ANKRD30A: variants seen among roughly 807,000 people sequenced by gnomAD.
The protein encoded by ANKRD30A is ankyrin repeat domain-containing protein 30A.
ANKRD30A carries 170 observed loss-of-function variants against 166.3 expected under a neutral mutation model. That is an observed-to-expected ratio of 1.02 (90% CI 0.90 to 1.16). The LOEUF (loss-of-function observed/expected upper bound fraction) is 1.16. ANKRD30A is among the 50% of genes most tolerant of loss of function. The pLI, the probability that ANKRD30A is intolerant of heterozygous loss-of-function variation, is 0.00. For synonymous variants in ANKRD30A, 564 were observed against 508.9 expected (o/e 1.11, Z -1.46); for missense variants, 1,630 against 1,518.0 (o/e 1.07, Z -1.23).
chr10:37,166,317 A>T (rs1839336646), intron 18 of ANKRD30A, among the ~76,000 whole-genome samples: 1 of 152,226 alleles, frequency 6.6e-6, no homozygotes, highest in African/African-American at 2.4e-5. Flanking sequence ...TAAGAGAGTT[A>T]CTTTTTGAAA....
intron 13 of ANKRD30A, among the ~76,000 whole-genome samples, chr10:37,154,551 G>A (rs1384833432): frequency 6.6e-6 from 1 of 152,042 alleles, no homozygotes; most frequent in Admixed American, 6.6e-5. Flanking sequence ...GAAGAAGAAA[G>A]GGGCAATGCA....
Position 37,162,813 on chromosome 10 carries a change from C to G in ANKRD30A, c.1967C>G (p.Ala656Gly). The G allele has an allele frequency of 1.2e-6, 2 of 1,613,586 alleles. No individual in the cohort carries two copies. Among genetic ancestry groups the G allele is most frequent in the Non-Finnish European group, 1.7e-6 (2 of 1,179,766 alleles). The change falls in exon 17 of 36, where the codon GCC becomes GGC. Residue 656 changes from alanine to glycine, a missense_variant. Physicochemically the swap from Ala to Gly is moderately conservative, Grantham distance 60 (BLOSUM62 0). Coordinates refer to ENST00000361713, the MANE Select transcript of ANKRD30A (RefSeq NM_052997.3). ...TEMQKSVPNK[A>G]LELKNEQTLR... The stretch of plus-strand genomic sequence containing the variant: ...ATGCAAAAGTCTGTCCCAAATAAAG[C>G]CTTGGAATTGAAAAATGAACAAACA...
At chr10:37,208,977 C>T (rs752979397) in intron 31 of ANKRD30A, among the ~76,000 whole-genome samples, 1 of 152,056 alleles carries the variant, frequency 6.6e-6, no homozygotes, top group Non-Finnish European at 1.5e-5. Flanking sequence ...TAGAAATATG[C>T]ATTTAAGTCT....
intron 7 of ANKRD30A, among the ~76,000 whole-genome samples, chr10:37,142,570 C>CTTTTTTTTT (rs869026268): frequency 2.5e-5 from 2 of 78,982 alleles, no homozygotes; most frequent in Non-Finnish European, 4.6e-5. Context: ...TAGGATCACA[C>CTTTTTTTTT]TTTTTTTTTT....
chr10:37,201,418 C>G, intron 31 of ANKRD30A, 93 bp downstream of exon 31: 2 of 925,544 alleles, frequency 2.2e-6, no homozygotes, highest in Non-Finnish European at 3.1e-6. Context: ...AGAAAATTAC[C>G]TCCTAAATGC....
rs1182907787 is a variant in ANKRD30A at position 37,199,102 on chromosome 10, A to C, written c.2717-625A>C. ...GAAGGCATTGTTGCATTAGGGAAGA[A>C]GTATGTCATTGTAATTAAAGCAGTT... On this transcript the variant is annotated intron_variant, in intron 29 of 35. Coordinates refer to ENST00000361713, the MANE Select transcript of ANKRD30A (RefSeq NM_052997.3). Among the ~76,000 whole-genome samples, 9 of 152,188 alleles carry C rather than the reference A, an allele frequency of 5.9e-5. No homozygotes were observed. In the East Asian group the frequency reaches 1.7e-3, roughly 29 times the overall value.
chr10:37,195,720 C>A (rs1588897082), intron 27 of ANKRD30A, among the ~76,000 whole-genome samples: 1 of 152,154 alleles, frequency 6.6e-6, no homozygotes, highest in African/African-American at 2.4e-5. Flanking sequence ...CAGTGAAACC[C>A]TGTCTCTACT....
At chr10:37,171,720 A>G (rs1839578807) in intron 21 of ANKRD30A, among the ~76,000 whole-genome samples, 1 of 151,198 alleles carries the variant, frequency 6.6e-6, no homozygotes, top group South Asian at 2.1e-4. Flanking sequence ...AAAAGATATA[A>G]ATCAAACAAA....
At chr10:37,246,342 T>G in the ANKRD30A span, among the ~76,000 whole-genome samples, 212 of 152,350 alleles carry the variant, frequency 1.4e-3, 1 homozygote, top group African/African-American at 5.0e-3. Flanking sequence ...CTTGCATTTG[T>G]CCGATAAACT....
chr10:37,219,348 T>G lies in ANKRD30A; in HGVS notation c.3636T>G (p.Ile1212Met), dbSNP rs1410834536. 1.2e-6 allele frequency: 2 copies of G among 1,610,380 alleles called. No individual in the cohort carries two copies. Among genetic ancestry groups the G allele is most frequent in the Non-Finnish European group, 1.7e-6 (2 of 1,177,630 alleles). The change falls in exon 34 of 36, where the codon ATT becomes ATG. Residue 1212 changes from isoleucine to methionine, a missense_variant. Around this residue, in one of 4 missense-constraint regions of ANKRD30A, gnomAD observed 712 missense variants for 629.3 expected, o/e 1.13. Coordinates refer to ENST00000361713, the MANE Select transcript of ANKRD30A (RefSeq NM_052997.3). ...CTGCTGTACAAGACCATGATCAAAT[T>G]GTGACATCAAGAAAAAGTCAAGAAC... ...LASAVQDHDQ[I>M]VTSRKSQEPA...
In ANKRD30A at chr10:37,136,675, A is replaced by C. The variant is rs1364505993; in HGVS notation, c.820+4A>C. On this transcript the variant is annotated splice_donor_region_variant and intron_variant, in intron 6 of 35. Transcript: ENST00000361713. ...AATCATCAAAATACCAATCCAGGTAAGACTTCTGATAGTAAACTACCCTTG... is the reference window on the plus strand; with the variant it reads ...AATCATCAAAATACCAATCCAGGTACGACTTCTGATAGTAAACTACCCTTG... The C allele has an allele frequency of 1.4e-6, 2 of 1,413,248 alleles. No individual in the cohort carries two copies. Among genetic ancestry groups the C allele is most frequent in the Non-Finnish European group, 1.9e-6 (2 of 1,026,470 alleles). The allele number at this position is 1,413,248 out of a possible 1,614,324, so 87.5% of individuals were successfully genotyped here.
Position 37,152,854 on chromosome 10 carries a change from G to A in ANKRD30A, c.1708-718G>A, listed in dbSNP as rs183507057. Among the ~76,000 whole-genome samples the A allele has an allele frequency of 9.3e-3, 1,417 of 152,206 alleles. 17 individuals carry two copies. The highest frequency in any genetic ancestry group is 0.011 in the Non-Finnish European group (746 of 67,978). Reference sequence around the variant, plus strand: ...CTTAGAAACAAGCAGCTGCTGCCTGGTGGTAACAGCAAAAGGTGGAAGTCA... The same window carrying A: ...CTTAGAAACAAGCAGCTGCTGCCTGATGGTAACAGCAAAAGGTGGAAGTCA... On this transcript the variant is annotated intron_variant, in intron 12 of 35. Coordinates refer to ENST00000361713, the MANE Select transcript of ANKRD30A (RefSeq NM_052997.3).
At chr10:37,192,736 T>C (rs1840704928) in intron 25 of ANKRD30A, among the ~76,000 whole-genome samples, 1 of 152,056 alleles carries the variant, frequency 6.6e-6, no homozygotes, top group Non-Finnish European at 1.5e-5. Flanking sequence ...TTGGTCATCT[T>C]ATTAAATACA....
At chr10:37,238,406 A>G in the ANKRD30A span, among the ~76,000 whole-genome samples, 1 of 152,188 alleles carries the variant, frequency 6.6e-6, no homozygotes, top group Non-Finnish European at 1.5e-5. Context: ...ACATATGTAT[A>G]CATGTGCCAT....
intron 24 of ANKRD30A, among the ~76,000 whole-genome samples, chr10:37,184,018 C>T (rs1290165512): frequency 2.6e-5 from 4 of 151,728 alleles, no homozygotes; most frequent in Non-Finnish European, 4.4e-5. Context: ...CGTGGTGGCA[C>T]GCATTTCTAA....
chr10:37,202,685 C>A (rs1246724434), intron 31 of ANKRD30A, among the ~76,000 whole-genome samples: 3 of 152,072 alleles, frequency 2.0e-5, no homozygotes, highest in Admixed American at 6.6e-5. Context: ...TTCAAAAAAT[C>A]AATGAATCCA....
chr10:37,140,840 C>G (rs1191858865), intron 6 of ANKRD30A, among the ~76,000 whole-genome samples: 1 of 151,952 alleles, frequency 6.6e-6, no homozygotes, highest in Non-Finnish European at 1.5e-5. Flanking sequence ...ATTAAAGGAC[C>G]TCTGTAAGTT....
intron 1 of ANKRD30A, among the ~76,000 whole-genome samples, chr10:37,128,470 T>C (rs572215715): frequency 1.3e-5 from 2 of 152,102 alleles, no homozygotes; most frequent in East Asian, 3.9e-4. Context: ...GTACATTTTA[T>C]TAGACACATA....
chr10:37,263,408 T>C, the ANKRD30A span, among the ~76,000 whole-genome samples: 2 of 151,814 alleles, frequency 1.3e-5, no homozygotes, highest in South Asian at 4.2e-4. Context: ...TCTTATATAT[T>C]ACATTGTAAT....
Sources: gnomAD v4.1 joint callset for allele counts (sites outside exome capture counted in the v4.1 genomes callset) on GRCh38, gnomAD v4.1.1 for gene constraint, gnomAD v4.1.1 regional missense constraint, MANE v1.5 for transcripts, NCBI Gene and HGNC (gene_info 2026-07-23, HGNC 2026-07-21) for gene names.